The following EYS variants were observed in gnomAD, a reference collection of about 807,000 sequenced individuals.
EYS encodes protein eyes shut homolog.
In EYS, 250 loss-of-function variants were observed where a neutral mutation model predicts 282.1. The observed-to-expected ratio is 0.89, with a 90% CI of 0.80 to 0.98. The LOEUF is 0.98. EYS is among the 50% of genes least tolerant of loss of function. The pLI, the probability that EYS is intolerant of heterozygous loss-of-function variation, is 0.00. For synonymous variants in EYS, 1,355 were observed against 1,282.9 expected (o/e 1.06, Z -1.20); for missense variants, 4,016 against 3,709.0 (o/e 1.08, Z -2.15).
chr6:64,122,492 G>C (rs935698631), intron 31 of EYS, among the ~76,000 whole-genome samples: 4 of 152,106 alleles, frequency 2.6e-5, no homozygotes, highest in African/African-American at 7.2e-5. Context: ...TATTAAGAAA[G>C]AGTACTGGGG....
intron 2 of EYS, among the ~76,000 whole-genome samples, chr6:65,629,430 C>A (rs983400609): frequency 6.6e-6 from 1 of 152,128 alleles, no homozygotes; most frequent in Non-Finnish European, 1.5e-5. Flanking sequence ...AGATATCGAC[C>A]ATTTGCATGT....
chr6:65,569,937 T>C (rs1277489973), intron 2 of EYS, among the ~76,000 whole-genome samples: 3 of 152,078 alleles, frequency 2.0e-5, no homozygotes, highest in Non-Finnish European at 4.4e-5. Flanking sequence ...CAGCTCAATC[T>C]AGGCAGCAGG....
Position 65,096,951 on chromosome 6 carries a change from G to T in EYS, c.2024-39224C>A, listed in dbSNP as rs200407449. On this transcript the variant is annotated intron_variant, in intron 12 of 42. Transcript: ENST00000503581. Reference sequence around the variant, plus strand: ...ACATTGGCCCTATCAACATTTCTTGGATATGATGCCAAAAGAACAGCCAAA... The same window carrying T: ...ACATTGGCCCTATCAACATTTCTTGTATATGATGCCAAAAGAACAGCCAAA... 2.7e-5 allele frequency among the ~76,000 whole-genome samples: 4 copies of T among 150,648 alleles called. No homozygotes were observed. In the East Asian group the frequency reaches 7.8e-4, roughly 29 times the overall value.
chr6:65,362,376 C>A (rs549285903), intron 8 of EYS, among the ~76,000 whole-genome samples: 5 of 151,946 alleles, frequency 3.3e-5, no homozygotes, highest in Non-Finnish European at 7.4e-5. Context: ...ATCGTTACTC[C>A]AAGATGCTGC....
At chr6:64,544,571 T>C (rs1200103887) in intron 26 of EYS, among the ~76,000 whole-genome samples, 1 of 152,042 alleles carries the variant, frequency 6.6e-6, no homozygotes, top group African/African-American at 2.4e-5. Flanking sequence ...AAAAAATCAA[T>C]GAATCCAGCA....
At chr6:64,180,772 C>A (rs1175411567) in intron 31 of EYS, among the ~76,000 whole-genome samples, 1 of 152,090 alleles carries the variant, frequency 6.6e-6, no homozygotes, top group African/African-American at 2.4e-5. Context: ...AAAAAAAGAT[C>A]TTTGTCCTAA....
chr6:63,766,234 G>A (rs1037236416), intron 40 of EYS, among the ~76,000 whole-genome samples: 1 of 152,024 alleles, frequency 6.6e-6, no homozygotes, highest in Non-Finnish European at 1.5e-5. Context: ...GGGTGTGGCT[G>A]TATTCCAATG....
chr6:65,620,306 C>T (rs1460417543), intron 2 of EYS, among the ~76,000 whole-genome samples: 242 of 152,180 alleles, frequency 1.6e-3, no homozygotes, highest in African/African-American at 5.5e-3. Flanking sequence ...TCGAGGAATT[C>T]ATCCATTTCT....
intron 41 of EYS, among the ~76,000 whole-genome samples, chr6:63,738,740 T>TA (rs908351287): frequency 1.3e-5 from 2 of 151,876 alleles, no homozygotes; most frequent in East Asian, 1.9e-4. Context: ...AGTATAATTA[T>TA]AAAAAAAATA....
At chr6:65,496,737 G>C (rs1766270601) in intron 2 of EYS, among the ~76,000 whole-genome samples, 1 of 151,898 alleles carries the variant, frequency 6.6e-6, no homozygotes, top group Admixed American at 6.6e-5. Context: ...GCAGGTAAGT[G>C]GTATATGTTG....
chr6:64,179,831 C>A (rs1005663972), intron 31 of EYS, among the ~76,000 whole-genome samples: 8 of 151,978 alleles, frequency 5.3e-5, no homozygotes, highest in African/African-American at 1.9e-4. Context: ...TATATGAGAG[C>A]TAGGATTTTT....
intron 19 of EYS, among the ~76,000 whole-genome samples, chr6:64,872,014 G>A (rs953836438): frequency 6.6e-6 from 1 of 152,056 alleles, no homozygotes; most frequent in Admixed American, 6.6e-5. Context: ...AGTAGCAAAT[G>A]AAGGGAGTGG....
intron 2 of EYS, among the ~76,000 whole-genome samples, chr6:65,619,674 G>A (rs1223083026): frequency 6.6e-6 from 1 of 151,570 alleles, no homozygotes; most frequent in Non-Finnish European, 1.5e-5. Flanking sequence ...CATTCAGTAT[G>A]ATATTGGCTG....
intron 1 of EYS, among the ~76,000 whole-genome samples, chr6:65,652,849 T>C (rs1253583262): frequency 6.6e-6 from 1 of 152,040 alleles, no homozygotes. Context: ...TAACTACATT[T>C]TGAATCAGTG....
intron 31 of EYS, among the ~76,000 whole-genome samples, chr6:64,200,198 G>C (rs1249804276): frequency 3.9e-5 from 6 of 152,070 alleles, no homozygotes; most frequent in African/African-American, 1.4e-4. Context: ...ATTTGAATAG[G>C]TAAAGCACAG....
chr6:64,822,742 G>C lies in EYS; in HGVS notation c.3073C>G (p.His1025Asp), dbSNP rs1157500009. The C allele has an allele frequency of 1.3e-6, 2 of 1,549,952 alleles. No homozygotes were observed. Among genetic ancestry groups the C allele is most frequent in the Admixed American group, 3.9e-5 (2 of 50,850 alleles). ...HDGVCIDGINHYTCDCKSGFF... is the reference protein window; with the variant it reads ...HDGVCIDGINDYTCDCKSGFF... ...CCACTCTTGCAGTCACAGGTATAATGATTGATGCCATCGATACAAACTCCA... is the reference window on the plus strand; with the variant it reads ...CCACTCTTGCAGTCACAGGTATAATCATTGATGCCATCGATACAAACTCCA... Residue 1025 changes from histidine to aspartate, a missense_variant, in exon 20 of 43, where the codon CAT (histidine) becomes GAT (aspartate). Coordinates refer to ENST00000503581, the MANE Select transcript of EYS (RefSeq NM_001142800.2).
chr6:65,076,284 A>G (rs1291634489), intron 12 of EYS, among the ~76,000 whole-genome samples: 1 of 152,044 alleles, frequency 6.6e-6, no homozygotes, highest in African/African-American at 2.4e-5. Flanking sequence ...AGGTCATCCA[A>G]GTTTGTATTA....
chr6:64,474,221 A>G (rs536733754), intron 26 of EYS, among the ~76,000 whole-genome samples: 55 of 152,274 alleles, frequency 3.6e-4, no homozygotes, highest in African/African-American at 1.3e-3. Flanking sequence ...ATTATCAGAC[A>G]CAGATGTTTC....
At chr6:64,212,454 T>G (rs548685696) in intron 31 of EYS, among the ~76,000 whole-genome samples, 1 of 152,056 alleles carries the variant, frequency 6.6e-6, no homozygotes, top group African/African-American at 2.4e-5. Context: ...AAAATACATA[T>G]ATTAAAAATA....
Sources: allele counts gnomAD v4.1 joint callset (sites outside exome capture counted in the v4.1 genomes callset), GRCh38; gene constraint gnomAD v4.1.1; transcripts MANE v1.5; gene names NCBI Gene and HGNC (gene_info 2026-07-23, HGNC 2026-07-21).